The following SOX6 variants were observed in gnomAD, a reference collection of about 807,000 sequenced individuals.
SOX6 encodes the protein SRY-box transcription factor 6.
A neutral mutation model predicts 97.8 loss-of-function variants in SOX6; 11 were observed. The observed-to-expected ratio is 0.11, with a 90% CI of 0.07 to 0.19. SOX6 has a LOEUF of 0.19. SOX6 is among the 10% of genes least tolerant of loss of function. The probability of loss-of-function intolerance (pLI) is 1.00; values close to 1 mark genes in which losing one functional copy is unlikely to be tolerated. For missense variants in SOX6, 810 were observed against 1,039.5 expected (o/e 0.78, Z 3.04); for synonymous variants, 360 against 371.4 (o/e 0.97, Z 0.35).
intron 1 of SOX6, among the ~76,000 whole-genome samples, chr11:16,364,724 T>G (rs626929): frequency 0.63 from 94,961 of 151,480 alleles, 30,638 homozygotes; most frequent in Non-Finnish European, 0.72. Context: ...GTATTATCAC[T>G]CAGAATGACT....
intron 4 of SOX6, among the ~76,000 whole-genome samples, chr11:16,524,994 C>A (rs1252235446): frequency 1.9e-4 from 29 of 152,220 alleles, no homozygotes; most frequent in Admixed American, 3.9e-4. Flanking sequence ...ATACAAACAA[C>A]TGGAAGAACA....
intron 3 of SOX6, among the ~76,000 whole-genome samples, chr11:16,622,764 T>C (rs539044416): frequency 6.6e-6 from 1 of 152,336 alleles, no homozygotes; most frequent in South Asian, 2.1e-4. Context: ...ATGACTTCTT[T>C]TCCCCTGGAT....
intron 1 of SOX6, among the ~76,000 whole-genome samples, chr11:16,425,225 A>G (rs1454197887): frequency 6.6e-6 from 1 of 152,220 alleles, no homozygotes; most frequent in Admixed American, 6.5e-5. Flanking sequence ...AAACAGTCTG[A>G]CAGCTCTAAT....
intron 2 of SOX6, among the ~76,000 whole-genome samples, chr11:16,334,671 A>G (rs917585292): frequency 6.6e-6 from 1 of 151,886 alleles, no homozygotes; most frequent in African/African-American, 2.4e-5. Context: ...CAAGTGATCC[A>G]CCTGCCTTAG....
At chr11:16,472,777 A>T (rs1860162053) in intron 1 of SOX6, among the ~76,000 whole-genome samples, 1 of 152,122 alleles carries the variant, frequency 6.6e-6, no homozygotes. Context: ...TTAAATAGAG[A>T]ATCACTTAAA....
In SOX6 at chr11:16,404,756, A is replaced by C. The variant is rs1858649851; in HGVS notation, c.-4-63504T>G. ...AATGTTTAATGTGATAAATGGGATG[A>C]TTAGAATTTCATTGGTAAATCCCGT... On this transcript the variant is annotated intron_variant, in intron 1 of 15. Transcript: ENST00000396356. Among the ~76,000 whole-genome samples the C allele has an allele frequency of 2.6e-5, 4 of 152,116 alleles. No homozygotes were observed. The South Asian group carries it at 8.3e-4, about 31-fold the overall frequency.
intron 3 of SOX6, among the ~76,000 whole-genome samples, chr11:16,626,886 C>T (rs1222732700): frequency 6.6e-6 from 1 of 152,084 alleles, no homozygotes; most frequent in African/African-American, 2.4e-5. Flanking sequence ...GGGCATACTG[C>T]GTGATGCTGA....
At chr11:16,704,374 A>G (rs1848116200) in intron 3 of SOX6, among the ~76,000 whole-genome samples, 1 of 152,206 alleles carries the variant, frequency 6.6e-6, no homozygotes, top group South Asian at 2.1e-4. Flanking sequence ...GACCAAATGG[A>G]TAACAGAGTG....
intron 3 of SOX6, among the ~76,000 whole-genome samples, chr11:16,268,379 T>C (rs1391632221): frequency 1.3e-5 from 2 of 151,200 alleles, no homozygotes; most frequent in Non-Finnish European, 3.0e-5. Context: ...AACTCATATA[T>C]ACCTTGATAA....
intron 12 of SOX6, among the ~76,000 whole-genome samples, chr11:16,044,215 C>T (rs1855759773): frequency 6.6e-6 from 1 of 152,108 alleles, no homozygotes. Flanking sequence ...ATCTGTGCCA[C>T]ATTCCTCTGC....
chr11:16,577,579 C>A (rs1466638879), intron 4 of SOX6, among the ~76,000 whole-genome samples: 1 of 152,090 alleles, frequency 6.6e-6, no homozygotes, highest in East Asian at 1.9e-4. Context: ...CCACCTTTGC[C>A]AACATTTTTT....
At chr11:16,671,184 T>G (rs1163721834) in intron 3 of SOX6, among the ~76,000 whole-genome samples, 1 of 152,246 alleles carries the variant, frequency 6.6e-6, no homozygotes, top group Non-Finnish European at 1.5e-5. Context: ...AATAGCCACA[T>G]GCAGAGATGA....
intron 1 of SOX6, among the ~76,000 whole-genome samples, chr11:16,457,532 C>T (rs1421902974): frequency 6.6e-6 from 1 of 152,026 alleles, no homozygotes; most frequent in Non-Finnish European, 1.5e-5. Context: ...ATAATCTTCT[C>T]AACAACCATA....
At chr11:16,108,938 T>C (rs1375872336) in intron 7 of SOX6, among the ~76,000 whole-genome samples, 1 of 152,122 alleles carries the variant, frequency 6.6e-6, no homozygotes, top group African/African-American at 2.4e-5. Flanking sequence ...CCCAAGGTAG[T>C]CCTTGCTCTC....
At chr11:16,719,646 A>G (rs569115016) in intron 2 of SOX6, among the ~76,000 whole-genome samples, 19 of 152,230 alleles carry the variant, frequency 1.2e-4, no homozygotes, top group Non-Finnish European at 1.9e-4. Flanking sequence ...ACACCAGGCC[A>G]GGTACAGTGG....
At chr11:16,479,361 T>C (rs926025158), upstream of SOX6, among the ~76,000 whole-genome samples, 2 of 151,978 alleles carry the variant, frequency 1.3e-5, no homozygotes, top group Non-Finnish European at 2.9e-5. Context: ...GAAACCCTAT[T>C]TCTACTAAGA....
chr11:16,053,746 C>A (rs1847743922), intron 10 of SOX6, among the ~76,000 whole-genome samples: 1 of 152,010 alleles, frequency 6.6e-6, no homozygotes, highest in Admixed American at 6.6e-5. Context: ...ATACTTTCAG[C>A]AAATGTTGCC....
At chr11:16,140,088 TTCTC>T (rs148010444) in intron 6 of SOX6, among the ~76,000 whole-genome samples, 290 of 151,924 alleles carry the variant, frequency 1.9e-3, no homozygotes, top group African/African-American at 6.8e-3. Context: ...TATATTTATT[TTCTC>T]TCTATCTCTT....
At chr11:16,345,654 T>C (rs1444495305) in intron 1 of SOX6, among the ~76,000 whole-genome samples, 1 of 152,116 alleles carries the variant, frequency 6.6e-6, no homozygotes, top group Non-Finnish European at 1.5e-5. Flanking sequence ...CAAGACTTTA[T>C]AAAATGATGA....
Sources: allele counts gnomAD v4.1 joint callset (sites outside exome capture counted in the v4.1 genomes callset), GRCh38; gene constraint gnomAD v4.1.1; transcripts MANE v1.5; gene names NCBI Gene and HGNC (gene_info 2026-07-23, HGNC 2026-07-21).